Variants in DGKB observed in about 807,000 individuals in gnomAD.
DGKB encodes 90 kDa diacylglycerol kinase.
Under a neutral mutation model 114.3 loss-of-function variants are expected in DGKB, and 67 were observed. The observed-to-expected ratio is 0.59, with a 90% CI of 0.48 to 0.72. The LOEUF (loss-of-function observed/expected upper bound fraction) is 0.72. DGKB is among the 30% of genes least tolerant of loss of function. DGKB has a pLI of 0.00. For synonymous variants in DGKB, 398 were observed against 323.1 expected (o/e 1.23, Z -2.49); for missense variants, 907 against 975.2 (o/e 0.93, Z 0.93).
chr7:14,821,808 G>A (rs1844976053), intron 2 of DGKB, among the ~76,000 whole-genome samples: 1 of 152,164 alleles, frequency 6.6e-6, no homozygotes, highest in African/African-American at 2.4e-5. Flanking sequence ...GAGAGACATG[G>A]AGAAGAGGCA....
At chr7:14,910,192 G>A (rs1170761079) in intron 1 of DGKB, among the ~76,000 whole-genome samples, 1 of 151,268 alleles carries the variant, frequency 6.6e-6, no homozygotes, top group East Asian at 1.9e-4. Context: ...AGTGATCCGA[G>A]ATTGCGTCAT....
intron 23 of DGKB, among the ~76,000 whole-genome samples, chr7:14,276,497 A>T (rs1383374418): frequency 6.6e-6 from 1 of 152,168 alleles, no homozygotes; most frequent in East Asian, 1.9e-4. Context: ...AGAGTACATA[A>T]GAGAAAATTT....
chr7:14,802,988 TAAAC>T (rs1452869844), intron 2 of DGKB, among the ~76,000 whole-genome samples: 1 of 152,030 alleles, frequency 6.6e-6, no homozygotes, highest in Admixed American at 6.6e-5. Flanking sequence ...AGTGCTGTAA[TAAAC>T]AAAGCACGTA....
rs1208853976 is a variant in DGKB, at chr7:14,574,234, TTGA to T, written c.1745_1747del (p.Ile582del). The T allele has an allele frequency of 6.2e-7, 1 of 1,613,098 alleles. No homozygotes were observed. The highest frequency in any genetic ancestry group is 1.1e-5 in the South Asian group (1 of 90,900). On this transcript the variant is annotated inframe_deletion, in exon 20 of 26. Coordinates refer to ENST00000402815, the MANE Select transcript of DGKB (RefSeq NM_001350709.2). ...TACCACGCCAATGGAAAAGTAATTA[TTGA>T]TGATACTGTAAGGCACTGGGTCTCC... is the stretch of plus-strand genomic sequence containing the variant.
chr7:14,685,159 G>C, intron 10 of DGKB, 86 bp downstream of exon 10: 1 of 829,644 alleles, frequency 1.2e-6, no homozygotes, highest in Non-Finnish European at 2.0e-6. Context: ...CAGATCTTAG[G>C]TCTCCATTTA....
At chr7:14,544,294 T>C (rs561302613) in intron 20 of DGKB, among the ~76,000 whole-genome samples, 53 of 152,332 alleles carry the variant, frequency 3.5e-4, no homozygotes, top group African/African-American at 9.6e-4. Context: ...AGCCATCTAA[T>C]AGGAATTACA....
chr7:14,221,144 T>C (rs148043661), intron 23 of DGKB, among the ~76,000 whole-genome samples: 1,600 of 151,504 alleles, frequency 0.011, 29 homozygotes, highest in African/African-American at 0.036. Context: ...CTTTTCAATC[T>C]GATGCCTTTT....
intron 1 of DGKB, among the ~76,000 whole-genome samples, chr7:14,924,877 T>G (rs1784676092): frequency 6.6e-6 from 1 of 152,160 alleles, no homozygotes; most frequent in African/African-American, 2.4e-5. Context: ...TTACGGGGAT[T>G]CCTCAGGTTG....
At chr7:14,284,866 TGGGGGGA>T (rs1332865461) in intron 23 of DGKB, among the ~76,000 whole-genome samples, 3 of 73,704 alleles carry the variant, frequency 4.1e-5, no homozygotes, top group South Asian at 1.2e-3. Context: ...TGTTTTGGGG[TGGGGGGA>T]GGGGGGAGGG....
At chr7:14,696,113 G>A (rs2128999734) in intron 8 of DGKB, among the ~76,000 whole-genome samples, 1 of 152,186 alleles carries the variant, frequency 6.6e-6, no homozygotes, top group Non-Finnish European at 1.5e-5. Flanking sequence ...GCATCCTGAT[G>A]TCCTTTTTCT....
At chr7:14,678,539 A>C (rs1157334498) in intron 12 of DGKB, among the ~76,000 whole-genome samples, 1 of 152,018 alleles carries the variant, frequency 6.6e-6, no homozygotes, top group Non-Finnish European at 1.5e-5. Flanking sequence ...GGGTGTGTGT[A>C]GAAGAGGAAT....
intron 17 of DGKB, among the ~76,000 whole-genome samples, chr7:14,607,104 G>A (rs1030175185): frequency 6.6e-6 from 1 of 151,268 alleles, no homozygotes; most frequent in Non-Finnish European, 1.5e-5. Context: ...AAAGAGAATC[G>A]TTCTTCAAAT....
In DGKB at chr7:14,162,005, A is replaced by C. The variant is rs148832724; in HGVS notation, c.2305-12767T>G. On this transcript the variant is annotated intron_variant, in intron 25 of 25. Coordinates refer to ENST00000402815, the MANE Select transcript of DGKB (RefSeq NM_001350709.2). ...TATCCCAGGAAGATCCCTGTGAAAC[A>C]GTGGACTAGTTCTGTATTAGTGATA... 1.4e-3 allele frequency among the ~76,000 whole-genome samples: 213 copies of C among 152,310 alleles called. 1 individual carries two copies. Among genetic ancestry groups the C allele is most frequent in the African/African-American group, 4.8e-3 (198 of 41,570 alleles).
rs905717640 is a variant in DGKB, at chr7:14,526,397, C to T, written c.1770+47815G>A. On this transcript the variant is annotated intron_variant, in intron 20 of 25. Transcript: ENST00000402815. ...ACATTGCCAGAGATCTCCCTGGGGG[C>T]GAAATCAACTCCACTGAGAACCTGT... 9.9e-5 allele frequency among the ~76,000 whole-genome samples: 15 copies of T among 151,952 alleles called. No homozygotes were observed. The South Asian group carries it at 1.2e-3, about 13-fold the overall frequency.
At chr7:14,543,930 T>C (rs1268167067) in intron 20 of DGKB, among the ~76,000 whole-genome samples, 1 of 152,190 alleles carries the variant, frequency 6.6e-6, no homozygotes, top group Admixed American at 6.5e-5. Context: ...AAGTATATAA[T>C]GTGCATTTAA....
intron 21 of DGKB, among the ~76,000 whole-genome samples, chr7:14,451,543 C>G (rs1563210601): frequency 8.4e-6 from 1 of 118,356 alleles, no homozygotes; most frequent in East Asian, 2.4e-4. Flanking sequence ...ATCTCTCTAT[C>G]TGTCTCTCTC....
intron 1 of DGKB, among the ~76,000 whole-genome samples, chr7:14,915,137 T>C (rs1167105088): frequency 1.3e-5 from 2 of 152,026 alleles, no homozygotes; most frequent in Non-Finnish European, 2.9e-5. Context: ...GAGGCTATGT[T>C]GAGAGAATTG....
rs1011608866 is a variant in DGKB at position 14,615,383 on chromosome 7, A to G, written c.1285-1970T>C. Reference sequence around the variant, plus strand: ...ATGTTTTGAAATGTCTCTCAGAGATATTTAATTGTGAGAATATTTATAGAC... The same window carrying G: ...ATGTTTTGAAATGTCTCTCAGAGATGTTTAATTGTGAGAATATTTATAGAC... On this transcript the variant is annotated intron_variant, in intron 15 of 25. Transcript: ENST00000402815. Among the ~76,000 whole-genome samples, 14 of 152,068 alleles carry G rather than the reference A, an allele frequency of 9.2e-5. No homozygotes were observed. In the South Asian group the frequency reaches 1.5e-3, roughly 16 times the overall value.
intron 25 of DGKB, among the ~76,000 whole-genome samples, chr7:14,165,520 T>C (rs747270114): frequency 9.2e-5 from 14 of 152,332 alleles, no homozygotes; most frequent in Middle Eastern, 6.8e-3. Flanking sequence ...ATTTAGGCTT[T>C]AGTAGCTTCT....
Sources: allele counts gnomAD v4.1 joint callset (sites outside exome capture counted in the v4.1 genomes callset), GRCh38; gene constraint gnomAD v4.1.1; transcripts MANE v1.5; gene names NCBI Gene and HGNC (gene_info 2026-07-23, HGNC 2026-07-21).